Variants in CNTNAP5 observed in about 807,000 individuals in gnomAD.
CNTNAP5 encodes the protein contactin associated protein family member 5.
CNTNAP5 carries 72 observed loss-of-function variants against 150.2 expected under a neutral mutation model. The ratio of observed to expected loss-of-function variants is 0.48; its 90% confidence interval spans 0.40 to 0.58. CNTNAP5 has a LOEUF of 0.58. Ranked by LOEUF, CNTNAP5 falls within the 20% of genes least tolerant of loss-of-function variation. The pLI, the probability that CNTNAP5 is intolerant of heterozygous loss-of-function variation, is 0.00. For missense variants in CNTNAP5, 1,636 were observed against 1,626.2 expected (o/e 1.01, Z -0.10); for synonymous variants, 672 against 619.8 (o/e 1.08, Z -1.25).
chr2:124,532,006 C>T (rs1695121954), intron 10 of CNTNAP5, among the ~76,000 whole-genome samples: 2 of 152,046 alleles, frequency 1.3e-5, no homozygotes, highest in Admixed American at 1.3e-4. Flanking sequence ...CAGGAATTCT[C>T]AATGGTTTAC....
At chr2:124,710,128 C>A (rs1156586597) in intron 13 of CNTNAP5, among the ~76,000 whole-genome samples, 1 of 152,024 alleles carries the variant, frequency 6.6e-6, no homozygotes, top group Non-Finnish European at 1.5e-5. Flanking sequence ...TGATGGTGAG[C>A]AGTGAAGAGA....
chr2:124,357,839 T>C (rs1423236063), intron 3 of CNTNAP5, among the ~76,000 whole-genome samples: 7 of 149,312 alleles, frequency 4.7e-5, no homozygotes, highest in Non-Finnish European at 8.9e-5. Context: ...TCCAATTCTG[T>C]GAAGAAAGTC....
intron 14 of CNTNAP5, among the ~76,000 whole-genome samples, chr2:124,760,721 C>T (rs933179961): frequency 1.3e-5 from 2 of 151,838 alleles, no homozygotes; most frequent in African/African-American, 2.4e-5. Context: ...TGTGGGGTGC[C>T]GTTTCTTGTT....
intron 11 of CNTNAP5, among the ~76,000 whole-genome samples, chr2:124,607,131 T>C (rs1677249728): frequency 1.3e-5 from 2 of 152,160 alleles, no homozygotes. Flanking sequence ...AGCTACCTAT[T>C]GTAATGAAGG....
chr2:124,075,996 A>G (rs1427996718), intron 1 of CNTNAP5, among the ~76,000 whole-genome samples: 1 of 152,174 alleles, frequency 6.6e-6, no homozygotes, highest in African/African-American at 2.4e-5. Context: ...AGGACTGCCT[A>G]TACTCTGAAG....
chr2:124,213,594 A>G (rs1686077557), intron 1 of CNTNAP5, among the ~76,000 whole-genome samples: 1 of 152,218 alleles, frequency 6.6e-6, no homozygotes, highest in Non-Finnish European at 1.5e-5. Context: ...TATTTGTCAC[A>G]TATGAGGGGC....
intron 1 of CNTNAP5, among the ~76,000 whole-genome samples, chr2:124,161,871 A>G (rs1452601296): frequency 2.0e-5 from 3 of 152,242 alleles, no homozygotes; most frequent in Non-Finnish European, 2.9e-5. Context: ...TGTGAATTCA[A>G]TAGAAGATTA....
chr2:124,367,842 T>C (rs1474255879), intron 3 of CNTNAP5, among the ~76,000 whole-genome samples: 1 of 152,190 alleles, frequency 6.6e-6, no homozygotes, highest in Non-Finnish European at 1.5e-5. Context: ...CAATTACTTA[T>C]AGAAAGAAAT....
chr2:124,704,887 A>C (rs1309897311), intron 13 of CNTNAP5, among the ~76,000 whole-genome samples: 1 of 152,042 alleles, frequency 6.6e-6, no homozygotes, highest in East Asian at 1.9e-4. Flanking sequence ...TCAACTGCTT[A>C]GTTAATTCCC....
intron 11 of CNTNAP5, among the ~76,000 whole-genome samples, chr2:124,580,763 G>A (rs962752744): frequency 2.0e-5 from 3 of 152,126 alleles, no homozygotes; most frequent in East Asian, 1.9e-4. Flanking sequence ...GTATCTGTTC[G>A]CCTTAACAAG....
At chr2:124,805,647 C>T (rs1573629055) in intron 19 of CNTNAP5, among the ~76,000 whole-genome samples, 1 of 152,172 alleles carries the variant, frequency 6.6e-6, no homozygotes, top group African/African-American at 2.4e-5. Flanking sequence ...CTGTTTAATA[C>T]CTACTGTCTC....
In CNTNAP5 at chr2:124,154,970, C is replaced by T. The variant is rs1684488236; in HGVS notation, c.83-66735C>T. ...GGACTGAAAATTCTTGTTCAACTAA[C>T]ACATGAATCTTTTCTACAAAGTCCT... On this transcript the variant is annotated intron_variant, in intron 1 of 23. Coordinates refer to ENST00000682447, the MANE Select transcript of CNTNAP5 (RefSeq NM_001367498.1). 2.0e-5 allele frequency among the ~76,000 whole-genome samples: 3 copies of T among 152,046 alleles called. No individual in the cohort carries two copies. The South Asian group carries it at 6.2e-4, about 32-fold the overall frequency.
chr2:124,778,762 CAG>C (rs1681380845), intron 17 of CNTNAP5: 1 of 151,638 alleles, frequency 6.6e-6, no homozygotes, highest in South Asian at 2.1e-4. Flanking sequence ...AAAAATAGCT[CAG>C]AGAGAGGATT....
At chr2:124,785,041 G>GAAAAAAAAAAAAAAAAA (rs67254743) in intron 17 of CNTNAP5, among the ~76,000 whole-genome samples, 1 of 123,518 alleles carries the variant, frequency 8.1e-6, no homozygotes. Flanking sequence ...TTAAGGCTGA[G>GAAAAAAAAAAAAAAAAA]AAAAAAAAAA....
At chr2:124,796,023 A>G (rs1254032449) in intron 18 of CNTNAP5, among the ~76,000 whole-genome samples, 1 of 152,128 alleles carries the variant, frequency 6.6e-6, no homozygotes, top group Non-Finnish European at 1.5e-5. Flanking sequence ...AACTCAACCC[A>G]TCTGATCAAA....
At chr2:124,682,139 G>A (rs190446891) in intron 13 of CNTNAP5, among the ~76,000 whole-genome samples, 56 of 152,052 alleles carry the variant, frequency 3.7e-4, no homozygotes, top group Admixed American at 7.2e-4. Flanking sequence ...GGTCTTTTTC[G>A]GCATGTACAC....
At chr2:124,276,820 T>C (rs1687894017) in intron 3 of CNTNAP5, among the ~76,000 whole-genome samples, 1 of 152,108 alleles carries the variant, frequency 6.6e-6, no homozygotes, top group Non-Finnish European at 1.5e-5. Flanking sequence ...AGAGTAAACA[T>C]ATTAAAACCC....
intron 21 of CNTNAP5, among the ~76,000 whole-genome samples, chr2:124,871,583 G>A (rs1228844255): frequency 3.3e-5 from 5 of 152,102 alleles, no homozygotes; most frequent in South Asian, 2.1e-4. Flanking sequence ...CTACTGAAGA[G>A]CCAGTTTCAA....
At chr2:124,515,863 G>A (rs1345754179) in intron 8 of CNTNAP5, among the ~76,000 whole-genome samples, 1 of 152,196 alleles carries the variant, frequency 6.6e-6, no homozygotes, top group Non-Finnish European at 1.5e-5. Context: ...ATTAGAGAAA[G>A]AGTAGATTGT....
Sources: gnomAD v4.1 joint callset for allele counts (sites outside exome capture counted in the v4.1 genomes callset) on GRCh38, gnomAD v4.1.1 for gene constraint, MANE v1.5 for transcripts, NCBI Gene and HGNC (gene_info 2026-07-23, HGNC 2026-07-21) for gene names.